The following ADD3 variants were observed in gnomAD, a reference collection of about 807,000 sequenced individuals.
The protein encoded by ADD3 is adducin 3, also known as gamma-adducin.
A neutral mutation model predicts 80.2 loss-of-function variants in ADD3; 25 were observed. The ratio of observed to expected loss-of-function variants is 0.31; its 90% confidence interval spans 0.23 to 0.44. The LOEUF is 0.44. Ranked by LOEUF, ADD3 falls within the 20% of genes least tolerant of loss-of-function variation. The pLI is 1.00. For missense variants in ADD3, 829 were observed against 847.5 expected, an observed-to-expected ratio of 0.98 and a Z score of 0.27; for synonymous variants, 284 against 289.6, an observed-to-expected ratio of 0.98 and a Z score of 0.20.
intron 1 of ADD3, among the ~76,000 whole-genome samples, chr10:110,076,089 T>A (rs189181555): frequency 6.6e-6 from 1 of 152,366 alleles, no homozygotes; most frequent in Admixed American, 6.5e-5. Context: ...CATTGTTCAT[T>A]TTAAATTCTA....
At chr10:110,106,022 A>C (rs1409382115) in intron 2 of ADD3, 1 of 152,142 alleles carries the variant, frequency 6.6e-6, no homozygotes, top group Admixed American at 6.6e-5. Flanking sequence ...TCTATTTCCA[A>C]ATGAGTACAT....
chr10:110,079,461 A>AGAGAGTGTGT (rs1443672023), intron 1 of ADD3, among the ~76,000 whole-genome samples: 6 of 97,452 alleles, frequency 6.2e-5, no homozygotes, highest in African/African-American at 2.7e-4. Flanking sequence ...AGAGAGAGAG[A>AGAGAGTGTGT]GTGTGTGTGT....
chr10:110,004,040 A>ATGCATTCTT (rs777360200), upstream of ADD3, among the ~76,000 whole-genome samples: 4 of 152,140 alleles, frequency 2.6e-5, no homozygotes, highest in Non-Finnish European at 5.9e-5. Flanking sequence ...GAAGAGGTAA[A>ATGCATTCTT]GAAATGCATT....
In ADD3 at chr10:110,100,522, C is replaced by G. The variant is rs530097577; in HGVS notation, c.-29-103C>G. On this transcript the variant is annotated intron_variant, in intron 1 of 14. Coordinates refer to ENST00000356080, the MANE Select transcript of ADD3 (RefSeq NM_016824.5). Reference sequence around the variant, plus strand: ...TGAGAAGCTACTTTTTAAAGTGCACCTGTTAACTCTGAGGGCAAAATGTAA... The same window carrying G: ...TGAGAAGCTACTTTTTAAAGTGCACGTGTTAACTCTGAGGGCAAAATGTAA... The G allele has an allele frequency of 4.8e-6, 3 of 625,716 alleles. No individual in the cohort carries two copies. The Admixed American group carries it at 1.2e-4, about 25-fold the overall frequency. 38.8% of individuals were successfully genotyped at this position (625,716 alleles called of 1,614,324 possible). A position where few individuals can be genotyped will look rare whatever the true frequency, so the allele number is the denominator to read the frequency against.
intron 8 of ADD3, 173 bp from the exon 9 acceptor site, chr10:110,121,937 A>G (rs1403499799): frequency 1.0e-5 from 5 of 488,916 alleles, no homozygotes; most frequent in Non-Finnish European, 1.7e-5. Flanking sequence ...AGATAGGTGG[A>G]AAAGATACTT....
intron 1 of ADD3, among the ~76,000 whole-genome samples, chr10:110,054,942 T>G (rs1206819926): frequency 6.6e-6 from 1 of 152,092 alleles, no homozygotes; most frequent in Non-Finnish European, 1.5e-5. Context: ...TTTGTATCTT[T>G]AGTAGAGACA....
chr10:110,083,480 C>T (rs906293901), intron 1 of ADD3, among the ~76,000 whole-genome samples: 11 of 151,616 alleles, frequency 7.3e-5, no homozygotes, highest in Admixed American at 5.9e-4. Flanking sequence ...CGCGCCACTG[C>T]ACTCCAGCCT....
Position 110,069,547 on chromosome 10 carries a change from T to G in ADD3, c.-29-31078T>G, listed in dbSNP as rs185495966. ...AAAACATAATGCTTATTAGTTGTGT[T>G]TTTTTTTTCCCCTTCCCACCCTCTC... On this transcript the variant is annotated intron_variant, in intron 1 of 14. Coordinates refer to ENST00000356080, the MANE Select transcript of ADD3 (RefSeq NM_016824.5). Among the ~76,000 whole-genome samples, 9 of 151,406 alleles carry G rather than the reference T, an allele frequency of 5.9e-5. No individual in the cohort carries two copies. The East Asian group carries it at 1.7e-3, about 29-fold the overall frequency.
chr10:110,000,818 A>G (rs1194514276), upstream of ADD3, among the ~76,000 whole-genome samples: 1 of 152,226 alleles, frequency 6.6e-6, no homozygotes, highest in East Asian at 1.9e-4. Flanking sequence ...ATAATAATAC[A>G]GTAGTATCTA....
intron 1 of ADD3, among the ~76,000 whole-genome samples, chr10:110,040,815 G>T (rs1856218903): frequency 6.6e-6 from 1 of 152,196 alleles, no homozygotes; most frequent in Admixed American, 6.5e-5. Flanking sequence ...AGGAAAAATG[G>T]TAAAACAGAA....
At chr10:110,011,339 G>A (rs1291825478) in intron 1 of ADD3, among the ~76,000 whole-genome samples, 3 of 152,122 alleles carry the variant, frequency 2.0e-5, no homozygotes, top group African/African-American at 4.8e-5. Context: ...ATTCCTCAAG[G>A]AACTGTGTGT....
chr10:110,069,900 T>A (rs1190130754), intron 1 of ADD3, among the ~76,000 whole-genome samples: 1 of 152,206 alleles, frequency 6.6e-6, no homozygotes, highest in Non-Finnish European at 1.5e-5. Context: ...GACACAAAAC[T>A]GTGGTTCGCT....
Position 110,116,338 on chromosome 10 carries a change from C to T in ADD3, c.414C>T (p.Arg138=), listed in dbSNP as rs760400614. The part of the protein sequence containing the change: ...SSYVKGEKLT[R]CKLASLYRLV... ...ATGTGAAGGGAGAAAAACTTACTCG[C>T]TGTAAACTTGCCAGCCTGTACAGAC... Residue 138 remains arginine (R), a synonymous_variant, in exon 4 of 15, where the codon CGC becomes CGT. Coordinates refer to ENST00000356080, the MANE Select transcript of ADD3 (RefSeq NM_016824.5). 1 of 1,614,146 alleles carries T rather than the reference C, an allele frequency of 6.2e-7. No individual in the cohort carries two copies.
At chr10:110,040,606 A>G (rs1409187036) in intron 1 of ADD3, among the ~76,000 whole-genome samples, 2 of 152,178 alleles carry the variant, frequency 1.3e-5, no homozygotes, top group East Asian at 3.8e-4. Flanking sequence ...TCTGTGGGAA[A>G]TAGGGAGCCA....
chr10:110,123,810 C>T (rs1191586932), intron 9 of ADD3: 1 of 547,864 alleles, frequency 1.8e-6, no homozygotes, highest in Non-Finnish European at 3.3e-6. Context: ...GCAATATCAG[C>T]TGTTATCAGC....
At chr10:110,082,609 C>T (rs1846200921) in intron 1 of ADD3, among the ~76,000 whole-genome samples, 1 of 152,114 alleles carries the variant, frequency 6.6e-6, no homozygotes, top group African/African-American at 2.4e-5. Context: ...TCTTTATAAC[C>T]TTTTTCTAAC....
chr10:110,043,944 C>A (rs1589848076), intron 1 of ADD3, among the ~76,000 whole-genome samples: 2 of 152,254 alleles, frequency 1.3e-5, no homozygotes, highest in Middle Eastern at 3.4e-3. Context: ...TGCGGTGGCT[C>A]ACGCCTGTAA....
intron 1 of ADD3, among the ~76,000 whole-genome samples, chr10:110,054,203 G>A (rs1416838577): frequency 6.6e-6 from 1 of 152,128 alleles, no homozygotes; most frequent in Non-Finnish European, 1.5e-5. Context: ...TGGGGGAATG[G>A]TATGTGAATA....
chr10:110,113,309 C>T lies in ADD3; in HGVS notation c.334+394C>T, dbSNP rs531120565. Among the ~76,000 whole-genome samples, 4 of 152,258 alleles carry T rather than the reference C, an allele frequency of 2.6e-5. No homozygotes were observed. The South Asian group carries it at 6.2e-4, about 24-fold the overall frequency. Reference sequence around the variant, plus strand: ...TGAGACAGGAGTCTTGCTCTGTCGCCGAGGCTGGAGTACAGTGGCCCGATC... The same window carrying T: ...TGAGACAGGAGTCTTGCTCTGTCGCTGAGGCTGGAGTACAGTGGCCCGATC... On this transcript the variant is annotated intron_variant, in intron 3 of 14. Transcript: ENST00000356080.
Sources: gnomAD v4.1 joint callset for allele counts (sites outside exome capture counted in the v4.1 genomes callset) on GRCh38, gnomAD v4.1.1 for gene constraint, MANE v1.5 for transcripts, NCBI Gene and HGNC (gene_info 2026-07-23, HGNC 2026-07-21) for gene names.